LINGO2: variants seen among roughly 807,000 people sequenced by gnomAD.
The protein encoded by LINGO2 is leucine rich repeat and Ig domain containing 2.
LINGO2 carries 14 observed loss-of-function variants against 30.6 expected under a neutral mutation model. The observed-to-expected ratio is 0.46, with a 90% CI of 0.30 to 0.72. The LOEUF is 0.72. Ranked by LOEUF, LINGO2 falls within the 30% of genes least tolerant of loss-of-function variation. The pLI is 0.07. For missense variants in LINGO2, 729 were observed against 751.7 expected (o/e 0.97, Z 0.35); for synonymous variants, 317 against 288.5 (o/e 1.10, Z -1.00).
Position 28,332,936 on chromosome 9 carries a change from G to C in LINGO2, c.-245-37570C>G, listed in dbSNP as rs184874228. Among the ~76,000 whole-genome samples the C allele has an allele frequency of 2.6e-5, 4 of 152,294 alleles. No homozygotes were observed. The East Asian group carries it at 7.7e-4, about 29-fold the overall frequency. ...TCTGATGATTAAATGTAATCAGAAA[G>C]AAGGGGATCGGGTAAACATCCTCAC... On this transcript the variant is annotated intron_variant, in intron 3 of 5. Coordinates refer to ENST00000379992, the Ensembl canonical transcript of LINGO2.
intron 4 of LINGO2, among the ~76,000 whole-genome samples, chr9:28,184,717 A>G (rs1235482694): frequency 2.0e-5 from 3 of 152,154 alleles, no homozygotes; most frequent in Non-Finnish European, 4.4e-5. Flanking sequence ...AAGTATACAG[A>G]CATTTATTCT....
the LINGO2 span, among the ~76,000 whole-genome samples, chr9:28,684,409 A>T: frequency 2.7e-5 from 4 of 150,836 alleles, no homozygotes; most frequent in South Asian, 8.4e-4. Flanking sequence ...CAGGATGGTC[A>T]CGATCTCCTG....
the LINGO2 span, among the ~76,000 whole-genome samples, chr9:29,049,899 C>T: frequency 6.6e-5 from 10 of 152,106 alleles, no homozygotes; most frequent in South Asian, 1.7e-3. Flanking sequence ...ATTAGGTTGG[C>T]TATAGTCAAT....
At chr9:28,229,761 A>C (rs186949511) in intron 4 of LINGO2, among the ~76,000 whole-genome samples, 1 of 151,996 alleles carries the variant, frequency 6.6e-6, no homozygotes, top group East Asian at 1.9e-4. Context: ...GAAACAGAGA[A>C]ATAAGGTCAC....
the LINGO2 span, among the ~76,000 whole-genome samples, chr9:28,749,694 T>C: frequency 2.6e-5 from 4 of 152,200 alleles, no homozygotes; most frequent in East Asian, 1.9e-4. Context: ...CCATCAAATA[T>C]ACCGTGGAAG....
At chr9:29,088,795 A>G in the LINGO2 span, among the ~76,000 whole-genome samples, 1 of 152,208 alleles carries the variant, frequency 6.6e-6, no homozygotes, top group African/African-American at 2.4e-5. Flanking sequence ...TGCTCACAAT[A>G]TAGGAGAAAG....
At chr9:28,759,484 C>T in the LINGO2 span, among the ~76,000 whole-genome samples, 1 of 151,796 alleles carries the variant, frequency 6.6e-6, no homozygotes, top group Non-Finnish European at 1.5e-5. Context: ...AGATCGAGAC[C>T]ATCCTGGCTA....
At chr9:28,054,534 A>ATGAAGTT (rs1450088482) in intron 4 of LINGO2, among the ~76,000 whole-genome samples, 2 of 152,134 alleles carry the variant, frequency 1.3e-5, no homozygotes, top group Non-Finnish European at 2.9e-5. Context: ...TGTTTACTGC[A>ATGAAGTT]TGAAGTTTGA....
chr9:28,599,860 G>A (rs552936732), intron 1 of LINGO2, among the ~76,000 whole-genome samples: 6 of 152,096 alleles, frequency 3.9e-5, no homozygotes, highest in Admixed American at 1.3e-4. Flanking sequence ...GATTAGCTCT[G>A]AGGCTCCTGT....
At chr9:28,215,623 AAAT>A (rs1820739389) in intron 4 of LINGO2, among the ~76,000 whole-genome samples, 1 of 151,626 alleles carries the variant, frequency 6.6e-6, no homozygotes, top group South Asian at 2.1e-4. Flanking sequence ...CAGTAAAAAA[AAAT>A]GTTAGTCAAG....
chr9:29,105,621 A>G, the LINGO2 span, among the ~76,000 whole-genome samples: 3 of 152,198 alleles, frequency 2.0e-5, no homozygotes, highest in Non-Finnish European at 4.4e-5. Flanking sequence ...CCCATGATTA[A>G]GTTACCAATC....
intron 3 of LINGO2, among the ~76,000 whole-genome samples, chr9:28,315,278 G>A (rs185997680): frequency 1.3e-5 from 2 of 151,324 alleles, no homozygotes; most frequent in Non-Finnish European, 3.0e-5. Flanking sequence ...GGTGGCAGGC[G>A]CCTGTAATCC....
At chr9:28,373,339 G>A (rs917993153) in intron 2 of LINGO2, among the ~76,000 whole-genome samples, 8 of 152,226 alleles carry the variant, frequency 5.3e-5, no homozygotes, top group East Asian at 3.9e-4. Flanking sequence ...AGGCTTTTGC[G>A]TCTTCTCTCT....
At chr9:28,692,706 C>T in the LINGO2 span, among the ~76,000 whole-genome samples, 2 of 152,108 alleles carry the variant, frequency 1.3e-5, no homozygotes, top group East Asian at 3.9e-4. Flanking sequence ...GAAACCTTCT[C>T]TAACACTAAA....
chr9:28,821,164 C>T, the LINGO2 span, among the ~76,000 whole-genome samples: 8 of 143,772 alleles, frequency 5.6e-5, no homozygotes, highest in South Asian at 2.2e-4. Context: ...ATAGCCCTTG[C>T]GAACAAAGTG....
chr9:28,945,785 T>G, the LINGO2 span, among the ~76,000 whole-genome samples: 1 of 152,210 alleles, frequency 6.6e-6, no homozygotes, highest in Non-Finnish European at 1.5e-5. Context: ...AGCCTCATGA[T>G]AACGGAACAT....
the LINGO2 span, among the ~76,000 whole-genome samples, chr9:29,119,035 G>A: frequency 2.8e-4 from 42 of 152,244 alleles, no homozygotes; most frequent in African/African-American, 9.4e-4. Context: ...TGATAACAGA[G>A]ATACCATCCT....
chr9:28,464,338 A>T (rs1825210764), intron 2 of LINGO2, among the ~76,000 whole-genome samples: 1 of 152,196 alleles, frequency 6.6e-6, no homozygotes, highest in Non-Finnish European at 1.5e-5. Flanking sequence ...TTGAAGAATA[A>T]ACATAAATTA....
intron 2 of LINGO2, among the ~76,000 whole-genome samples, chr9:28,411,723 G>A (rs181037496): frequency 5.1e-4 from 78 of 152,158 alleles, no homozygotes; most frequent in Middle Eastern, 6.8e-3. Flanking sequence ...ATGCTGCTAT[G>A]AACATGGGTA....
Sources: gnomAD v4.1 joint callset for allele counts (sites outside exome capture counted in the v4.1 genomes callset) on GRCh38, gnomAD v4.1.1 for gene constraint, MANE v1.5 for transcripts, NCBI Gene and HGNC (gene_info 2026-07-23, HGNC 2026-07-21) for gene names.